Variants in CAST observed in about 807,000 individuals in gnomAD.
CAST encodes calpastatin, also known as MIR583 host.
Under a neutral mutation model 119.6 loss-of-function variants are expected in CAST, and 76 were observed. The observed-to-expected ratio is 0.64, with a 90% CI of 0.53 to 0.77. CAST has a LOEUF of 0.77. Among genes scored for constraint, CAST ranks in the 30% least tolerant of loss-of-function variants. The pLI, the probability that CAST is intolerant of heterozygous loss-of-function variation, is 0.00. For synonymous variants in CAST, 319 were observed against 331.6 expected (o/e 0.96, Z 0.41); for missense variants, 953 against 946.5 (o/e 1.01, Z -0.09).
the CAST span, chr5:96,278,741 G>T: frequency 6.6e-6 from 1 of 152,180 alleles, no homozygotes; most frequent in Non-Finnish European, 1.5e-5. Flanking sequence ...TATACCACTT[G>T]TGTATACACA....
At chr5:96,247,764 T>C in the CAST span, 1 of 152,210 alleles carries the variant, frequency 6.6e-6, no homozygotes, top group Non-Finnish European at 1.5e-5. Flanking sequence ...ACAAGCCTTT[T>C]CTGTGTGCTG....
At chr5:96,082,930 A>G in the CAST span, among the ~76,000 whole-genome samples, 1 of 152,338 alleles carries the variant, frequency 6.6e-6, no homozygotes, top group East Asian at 1.9e-4. Context: ...AAACACTAAA[A>G]TTCACCCTGA....
chr5:96,080,469 G>A, the CAST span, among the ~76,000 whole-genome samples: 1 of 152,146 alleles, frequency 6.6e-6, no homozygotes, highest in Non-Finnish European at 1.5e-5. Flanking sequence ...TGAGAGTAAA[G>A]TTCCTGACCA....
chr5:96,542,487 T>C (rs1461411995), intron 1 of CAST, among the ~76,000 whole-genome samples: 1 of 152,168 alleles, frequency 6.6e-6, no homozygotes, highest in African/African-American at 2.4e-5. Flanking sequence ...AATGGGTGTG[T>C]AGTGGTATCT....
intron 1 of CAST, chr5:96,585,005 T>G (rs1215603683): frequency 6.6e-6 from 1 of 152,290 alleles, no homozygotes; most frequent in Non-Finnish European, 1.5e-5. Flanking sequence ...TGAAACGTGG[T>G]TTGCAGAGAG....
the CAST span, among the ~76,000 whole-genome samples, chr5:96,139,650 C>T: frequency 6.6e-6 from 1 of 151,320 alleles, no homozygotes; most frequent in Admixed American, 6.6e-5. Context: ...ATTAAGATGA[C>T]ATAATCAGTT....
chr5:96,489,043 C>G, the CAST span, among the ~76,000 whole-genome samples: 7 of 152,158 alleles, frequency 4.6e-5, no homozygotes, highest in Non-Finnish European at 8.8e-5. Flanking sequence ...TTTGTGCAAA[C>G]TTGACTTCAG....
chr5:96,518,241 T>A, the CAST span, among the ~76,000 whole-genome samples: 1 of 152,232 alleles, frequency 6.6e-6, no homozygotes, highest in African/African-American at 2.4e-5. Flanking sequence ...TATTTATAGA[T>A]TAACATCAAC....
chr5:96,512,378 C>A, the CAST span, among the ~76,000 whole-genome samples: 1 of 152,170 alleles, frequency 6.6e-6, no homozygotes, highest in African/African-American at 2.4e-5. Flanking sequence ...GTGCTTCCCA[C>A]CCTCAATCAG....
chr5:96,037,288 T>G, the CAST span, among the ~76,000 whole-genome samples: 1 of 152,144 alleles, frequency 6.6e-6, no homozygotes, highest in Non-Finnish European at 1.5e-5. Flanking sequence ...CATTTCAGGT[T>G]TCTGTGTTCT....
chr5:96,704,424 G>GA (rs1319645306), intron 3 of CAST, among the ~76,000 whole-genome samples: 1 of 152,066 alleles, frequency 6.6e-6, no homozygotes, highest in East Asian at 1.9e-4. Flanking sequence ...AAACCAGAAA[G>GA]AAAAAGAAAG....
chr5:96,413,649 A>C, the CAST span, among the ~76,000 whole-genome samples: 1 of 151,612 alleles, frequency 6.6e-6, no homozygotes, highest in Non-Finnish European at 1.5e-5. Context: ...AAAATACAAA[A>C]ATTAGTCAGG....
At chr5:96,145,795 G>C in the CAST span, among the ~76,000 whole-genome samples, 1 of 152,208 alleles carries the variant, frequency 6.6e-6, no homozygotes, top group Non-Finnish European at 1.5e-5. Flanking sequence ...GGCTGACTGT[G>C]TTCAACTGGG....
At chr5:96,679,865 G>A (rs1026080800) in intron 2 of CAST, among the ~76,000 whole-genome samples, 64 of 151,780 alleles carry the variant, frequency 4.2e-4, no homozygotes, top group Non-Finnish European at 5.6e-4. Context: ...ACATACTTGT[G>A]AAAAACAATA....
At chr5:96,219,977 C>T in the CAST span, among the ~76,000 whole-genome samples, 1 of 152,158 alleles carries the variant, frequency 6.6e-6, no homozygotes, top group East Asian at 1.9e-4. Context: ...ATGTCTGAAG[C>T]TGATGCTGTA....
At chr5:95,974,775 T>TAAC in the CAST span, among the ~76,000 whole-genome samples, 2 of 152,104 alleles carry the variant, frequency 1.3e-5, no homozygotes, top group East Asian at 3.8e-4. Context: ...TAAGGGTCAA[T>TAAC]CCCTTATGGT....
chr5:96,282,925 C>T, the CAST span, among the ~76,000 whole-genome samples: 2 of 151,082 alleles, frequency 1.3e-5, no homozygotes, highest in African/African-American at 2.4e-5. Context: ...GTCAGGAGAT[C>T]GAGACCATCC....
chr5:96,423,274 A>G, the CAST span: 2 of 1,578,688 alleles, frequency 1.3e-6, no homozygotes, highest in South Asian at 2.3e-5. Context: ...CTGCACAGAC[A>G]GCTCCCTAAG....
At chr5:96,198,290 T>A in the CAST span, among the ~76,000 whole-genome samples, 1 of 152,222 alleles carries the variant, frequency 6.6e-6, no homozygotes, top group Non-Finnish European at 1.5e-5. Flanking sequence ...CTGTTTTTGA[T>A]AAGTATCTCT....
Sources: allele counts gnomAD v4.1 joint callset (sites outside exome capture counted in the v4.1 genomes callset), GRCh38; gene constraint gnomAD v4.1.1; transcripts MANE v1.5; gene names NCBI Gene and HGNC (gene_info 2026-07-23, HGNC 2026-07-21).